MAP4K4: variants seen among roughly 807,000 people sequenced by gnomAD.
MAP4K4 encodes the protein HPK/GCK-like kinase HGK.
Under a neutral mutation model 189.6 loss-of-function variants are expected in MAP4K4, and 38 were observed. The ratio of observed to expected loss-of-function variants is 0.20; its 90% CI spans 0.15 to 0.26. The LOEUF (loss-of-function observed/expected upper bound fraction) is 0.26, where lower values mean the gene tolerates loss of function less well. MAP4K4 is among the 10% of genes least tolerant of loss of function. The pLI, the probability that MAP4K4 is intolerant of heterozygous loss-of-function variation, is 1.00. For missense variants in MAP4K4, 1,054 were observed against 1,726.9 expected, an observed-to-expected ratio of 0.61 and a Z score of 6.91; for synonymous variants, 610 against 624.3, an observed-to-expected ratio of 0.98 and a Z score of 0.34.
At chr2:101,847,082 G>T (rs2097132534) in intron 12 of MAP4K4, among the ~76,000 whole-genome samples, 1 of 152,124 alleles carries the variant, frequency 6.6e-6, no homozygotes, top group African/African-American at 2.4e-5. Context: ...GTATGATGGT[G>T]GTCCCATAAG....
exon 12 of MAP4K4, chr2:101,844,114 G>A (rs1352923057): frequency 6.2e-7 from 1 of 1,611,688 alleles, no homozygotes. Flanking sequence ...CATTGTGAAC[G>A]TGCCTGGTGA....
intron 2 of MAP4K4, among the ~76,000 whole-genome samples, chr2:101,779,707 G>A (rs2086277342): frequency 6.6e-6 from 1 of 152,052 alleles, no homozygotes; most frequent in Non-Finnish European, 1.5e-5. Flanking sequence ...TCTGGCTTTG[G>A]AAACCTGAGT....
At chr2:101,863,093 T>G (rs888420724) in intron 16 of MAP4K4, among the ~76,000 whole-genome samples, 11 of 152,222 alleles carry the variant, frequency 7.2e-5, no homozygotes, top group Admixed American at 7.2e-4. Context: ...CATATTTTTG[T>G]AATTTCCCAA....
intron 2 of MAP4K4, among the ~76,000 whole-genome samples, chr2:101,757,369 C>A (rs1392095494): frequency 2.6e-5 from 4 of 152,132 alleles, no homozygotes; most frequent in South Asian, 4.1e-4. Context: ...TTTGAGAACA[C>A]CTTCCTAGCA....
At chr2:101,877,534 G>A (rs2098240122) in intron 27 of MAP4K4, among the ~76,000 whole-genome samples, 1 of 149,376 alleles carries the variant, frequency 6.7e-6, no homozygotes, top group Admixed American at 6.7e-5. Context: ...GGAGTGCAGT[G>A]GCGCGATCTT....
chr2:101,863,873 G>T, exon 17 of MAP4K4: 1 of 1,367,660 alleles, frequency 7.3e-7, no homozygotes, highest in South Asian at 1.1e-5. Context: ...CCTGTCTCGC[G>T]ATCCCATTCC....
At chr2:101,874,177 C>A in exon 26 of MAP4K4, 1 of 1,613,772 alleles carries the variant, frequency 6.2e-7, no homozygotes, top group South Asian at 1.1e-5. Context: ...CAACACTAGG[C>A]CACAGAGTGA....
chr2:101,862,800 A>G (rs1368983034), intron 16 of MAP4K4, among the ~76,000 whole-genome samples: 3 of 152,236 alleles, frequency 2.0e-5, no homozygotes, highest in Non-Finnish European at 4.4e-5. Context: ...TTATACCAAT[A>G]TCTGGTATTA....
At chr2:101,835,693 G>C (rs2096730021) in intron 8 of MAP4K4, among the ~76,000 whole-genome samples, 1 of 152,048 alleles carries the variant, frequency 6.6e-6, no homozygotes, top group Non-Finnish European at 1.5e-5. Flanking sequence ...TATTCTTCTT[G>C]TTGCTCTTGT....
chr2:101,844,827 C>G (rs1023629031), intron 12 of MAP4K4, among the ~76,000 whole-genome samples: 1 of 151,910 alleles, frequency 6.6e-6, no homozygotes, highest in Non-Finnish European at 1.5e-5. Context: ...TAATGCAGGG[C>G]TTAATACCTA....
chr2:101,733,906 G>C (rs2059436045), intron 2 of MAP4K4, among the ~76,000 whole-genome samples: 1 of 152,172 alleles, frequency 6.6e-6, no homozygotes, highest in Non-Finnish European at 1.5e-5. Context: ...CAGCCTGCTG[G>C]AGCCTTTGTT....
intron 3 of MAP4K4, chr2:101,797,322 T>C: frequency 1.5e-6 from 2 of 1,290,876 alleles, no homozygotes; most frequent in Non-Finnish European, 2.0e-6. Flanking sequence ...TTGGTGGCAC[T>C]TTCTCCCTGT....
At chr2:101,780,589 A>G (rs939432795) in intron 2 of MAP4K4, among the ~76,000 whole-genome samples, 3 of 152,222 alleles carry the variant, frequency 2.0e-5, no homozygotes, top group African/African-American at 7.2e-5. Context: ...CTGATGTCGT[A>G]TGAAATCATA....
chr2:101,737,428 T>TAG (rs2060665833), intron 2 of MAP4K4, among the ~76,000 whole-genome samples: 4 of 26,558 alleles, frequency 1.5e-4, no homozygotes, highest in Non-Finnish European at 2.4e-4. Flanking sequence ...TATTGTGAGA[T>TAG]ATATATATAT....
chr2:101,859,840 C>T (rs758878927), exon 15 of MAP4K4: 15 of 1,608,360 alleles, frequency 9.3e-6, no homozygotes, highest in South Asian at 6.7e-5. Context: ...AAGCCCACTA[C>T]GAGCCTGCTG....
At chr2:101,801,062 A>T (rs572040846) in intron 3 of MAP4K4, among the ~76,000 whole-genome samples, 2 of 152,200 alleles carry the variant, frequency 1.3e-5, no homozygotes, top group South Asian at 4.2e-4. Flanking sequence ...CTGTCCTTTC[A>T]CCATCCCATC....
intron 8 of MAP4K4, among the ~76,000 whole-genome samples, chr2:101,834,817 G>A (rs1378832434): frequency 6.6e-6 from 1 of 152,176 alleles, no homozygotes; most frequent in Non-Finnish European, 1.5e-5. Context: ...TGAAATTTTA[G>A]TATTAAGTTT....
At chr2:101,849,638 T>TTTA (rs199924091) in intron 12 of MAP4K4, among the ~76,000 whole-genome samples, 1 of 151,184 alleles carries the variant, frequency 6.6e-6, no homozygotes. Context: ...TTTTTTTTTT[T>TTTA]AAATTGAATC....
chr2:101,776,588 A>C (rs60982172), intron 2 of MAP4K4, among the ~76,000 whole-genome samples: 14,197 of 30,766 alleles, frequency 0.46, 2,156 homozygotes, highest in African/African-American at 0.57. Context: ...CCACCCCCCC[A>C]AAAAAAAACA....
Sources: allele counts gnomAD v4.1 joint callset (sites outside exome capture counted in the v4.1 genomes callset), GRCh38; gene constraint gnomAD v4.1.1; transcripts MANE v1.5; gene names NCBI Gene and HGNC (gene_info 2026-07-23, HGNC 2026-07-21).